COLGALT1: variants seen among roughly 807,000 people sequenced by gnomAD.
The protein encoded by COLGALT1 is procollagen galactosyltransferase 1.
Under a neutral mutation model 60.8 loss-of-function variants are expected in COLGALT1, and 43 were observed. That is an observed-to-expected ratio of 0.71 (90% CI 0.55 to 0.91). The LOEUF (loss-of-function observed/expected upper bound fraction) is 0.91. Ranked by LOEUF, COLGALT1 falls within the 40% of genes least tolerant of loss-of-function variation. The pLI is 0.00. For missense variants in COLGALT1, 845 were observed against 880.0 expected, an observed-to-expected ratio of 0.96 and a Z score of 0.50; for synonymous variants, 369 against 374.2, an observed-to-expected ratio of 0.99 and a Z score of 0.16.
chr19:17,559,451 A>C (rs945101200), intron 2 of COLGALT1, 30 bp downstream of exon 2: 1 of 1,517,760 alleles, frequency 6.6e-7, no homozygotes, highest in Non-Finnish European at 9.0e-7. Flanking sequence ...TCCTAGTCTG[A>C]TTGGGCTTTG....
At chr19:17,559,456 G>A in intron 2 of COLGALT1, 35 bp downstream of exon 2, 2 of 1,496,864 alleles carry the variant, frequency 1.3e-6, no homozygotes, top group South Asian at 1.2e-5. Flanking sequence ...GTCTGATTGG[G>A]CTTTGCCTCT....
intron 1 of COLGALT1, among the ~76,000 whole-genome samples, chr19:17,557,265 A>AG (rs34675585): frequency 0.073 from 11,170 of 152,216 alleles, 1,294 homozygotes; most frequent in African/African-American, 0.25. Flanking sequence ...GAGAAGATGA[A>AG]GGCAGGGTAA....
At chr19:17,578,552 G>A (rs989101364) in intron 9 of COLGALT1, among the ~76,000 whole-genome samples, 1 of 152,168 alleles carries the variant, frequency 6.6e-6, no homozygotes, top group Admixed American at 6.5e-5. Context: ...ACTAGGCTTC[G>A]AACTTGGGCC....
At chr19:17,561,148 T>C (rs1426189981) in intron 3 of COLGALT1, among the ~76,000 whole-genome samples, 1 of 151,576 alleles carries the variant, frequency 6.6e-6, no homozygotes, top group African/African-American at 2.4e-5. Context: ...GAGGTTGCAG[T>C]GAGCCGAGAT....
At chr19:17,561,181 TG>T (rs992586586) in intron 3 of COLGALT1, among the ~76,000 whole-genome samples, 1 of 151,522 alleles carries the variant, frequency 6.6e-6, no homozygotes, top group African/African-American at 2.4e-5. Flanking sequence ...CTCCAGTCAC[TG>T]GGCGACACAG....
At chr19:17,560,959 C>G (rs1369225632) in intron 3 of COLGALT1, among the ~76,000 whole-genome samples, 2 of 151,888 alleles carry the variant, frequency 1.3e-5, no homozygotes, top group African/African-American at 4.8e-5. Context: ...AATCCCAGCA[C>G]TTTAGGAGGC....
chr19:17,561,625 CTG>C (rs1178829455), intron 3 of COLGALT1, among the ~76,000 whole-genome samples: 1 of 91,496 alleles, frequency 1.1e-5, no homozygotes, highest in Non-Finnish European at 1.9e-5. Context: ...GTATGAGACT[CTG>C]TCTCAAAAAA....
chr19:17,573,406 A>G (rs1219404518), intron 6 of COLGALT1, among the ~76,000 whole-genome samples: 2 of 152,232 alleles, frequency 1.3e-5, no homozygotes, highest in South Asian at 2.1e-4. Flanking sequence ...GCGAATGCCT[A>G]TAGTCCCAGC....
intron 10 of COLGALT1, chr19:17,580,328 C>T (rs2076372469): frequency 2.9e-6 from 1 of 339,032 alleles, no homozygotes; most frequent in Non-Finnish European, 5.6e-6. Context: ...GGGAACACTG[C>T]CCCATGTGAA....
chr19:17,561,529 A>G (rs541869660), intron 3 of COLGALT1, among the ~76,000 whole-genome samples: 3 of 147,380 alleles, frequency 2.0e-5, no homozygotes, highest in Non-Finnish European at 3.0e-5. Flanking sequence ...CTGTGGGGAC[A>G]TTGTCTCATG....
At chr19:17,563,432 C>A (rs74180828) in intron 3 of COLGALT1, among the ~76,000 whole-genome samples, 2,359 of 152,026 alleles carry the variant, frequency 0.016, 17 homozygotes, top group Middle Eastern at 0.031. Context: ...TCACTGCAAG[C>A]TCTGCCTCCC....
chr19:17,576,575 G>A (rs1293684869), intron 6 of COLGALT1, among the ~76,000 whole-genome samples: 1 of 150,340 alleles, frequency 6.7e-6, no homozygotes, highest in Admixed American at 6.6e-5. Flanking sequence ...CTGAGAGTCG[G>A]GGCTGGGAGC....
intron 3 of COLGALT1, among the ~76,000 whole-genome samples, chr19:17,567,176 T>C (rs922366897): frequency 1.3e-5 from 2 of 152,224 alleles, no homozygotes; most frequent in African/African-American, 2.4e-5. Context: ...CTCAGGGCTA[T>C]CTCAGTGCCT....
chr19:17,578,169 A>T (rs1410766401), intron 9 of COLGALT1, 80 bp downstream of exon 9: 9 of 1,410,240 alleles, frequency 6.4e-6, no homozygotes, highest in Non-Finnish European at 7.4e-6. Flanking sequence ...GGGTTGAAAG[A>T]GTTCCCCAAA....
At chr19:17,577,602 C>T in intron 8 of COLGALT1, 135 bp downstream of exon 8, 2 of 824,212 alleles carry the variant, frequency 2.4e-6, no homozygotes, top group Non-Finnish European at 3.7e-6. Context: ...CAGTGGGCGT[C>T]CTGAAGGGGA....
intron 10 of COLGALT1, 171 bp from the exon 11 acceptor site, chr19:17,580,528 A>G (rs763055950): frequency 6.2e-6 from 4 of 643,040 alleles, no homozygotes; most frequent in Non-Finnish European, 1.1e-5. Flanking sequence ...CTCCCCCATG[A>G]CCGCCAGACC....
chr19:17,577,003 T>TGAGAGGAAGGAC, intron 6 of COLGALT1, 192 bp from the exon 7 acceptor site: 33 of 587,488 alleles, frequency 5.6e-5, no homozygotes, highest in Non-Finnish European at 6.9e-5. Flanking sequence ...TGGCCAGGGC[T>TGAGAGGAAGGAC]TTGGGCTGCT....
Position 17,581,164 on chromosome 19 carries a change from C to G in COLGALT1, c.1602-13C>G. ...GCCATTGCTGCCCCTCACTCCCCTCCTCCTCCCCCCAGGTCCGAGTACAAG... is the reference window on the plus strand; with the variant it reads ...GCCATTGCTGCCCCTCACTCCCCTCGTCCTCCCCCCAGGTCCGAGTACAAG... On this transcript the variant is annotated splice_polypyrimidine_tract_variant and intron_variant, in intron 11 of 11. Coordinates refer to ENST00000252599, the MANE Select transcript of COLGALT1 (RefSeq NM_024656.4). The G allele has an allele frequency of 6.2e-7, 1 of 1,602,632 alleles. No homozygotes were observed. The highest frequency in any genetic ancestry group is 1.1e-5 in the South Asian group (1 of 90,738).
At chr19:17,570,469 C>A (rs1436795771) in intron 5 of COLGALT1, among the ~76,000 whole-genome samples, 1 of 151,988 alleles carries the variant, frequency 6.6e-6, no homozygotes, top group Non-Finnish European at 1.5e-5. Context: ...TAGACTTGAA[C>A]TCCTGGCCTT....
Sources: allele counts gnomAD v4.1 joint callset (sites outside exome capture counted in the v4.1 genomes callset), GRCh38; gene constraint gnomAD v4.1.1; transcripts MANE v1.5; gene names NCBI Gene and HGNC (gene_info 2026-07-23, HGNC 2026-07-21).